Variants in HMGCLL1 observed in about 807,000 individuals in gnomAD.
HMGCLL1 encodes the protein 3-hydroxy-3-methylglutaryl-CoA lyase like 1.
HMGCLL1 carries 36 observed loss-of-function variants against 39.1 expected under a neutral mutation model. The ratio of observed to expected loss-of-function variants is 0.92; its 90% CI spans 0.71 to 1.22. The LOEUF (loss-of-function observed/expected upper bound fraction) is 1.22, where lower values mean the gene tolerates loss of function less well. HMGCLL1 is among the 50% of genes most tolerant of loss of function. The pLI is 0.00. For synonymous variants in HMGCLL1, 149 were observed against 144.0 expected (o/e 1.03, Z -0.25); for missense variants, 451 against 416.5 (o/e 1.08, Z -0.72).
intron 7 of HMGCLL1, among the ~76,000 whole-genome samples, chr6:55,490,829 C>T (rs1581849184): frequency 1.3e-5 from 2 of 151,598 alleles, no homozygotes; most frequent in East Asian, 1.9e-4. Context: ...CAGAGAGATG[C>T]TTATATTAAT....
At position 55,493,660 on chromosome 6, in the gene HMGCLL1, G is replaced by A. The variant is rs1266486858; in HGVS notation, c.795+1759C>T. Reference sequence around the variant, plus strand: ...AGCTTAAAACATTCTTTTCACACACGTGCACACACACACCACAACACATAC... The same window carrying A: ...AGCTTAAAACATTCTTTTCACACACATGCACACACACACCACAACACATAC... On this transcript the variant is annotated intron_variant, in intron 7 of 8. Coordinates refer to ENST00000274901, the MANE Select transcript of HMGCLL1 (RefSeq NM_001042406.2). Among the ~76,000 whole-genome samples, 3 of 151,866 alleles carry A rather than the reference G, an allele frequency of 2.0e-5. 1 individual carries two copies. The highest frequency in any genetic ancestry group is 1.5e-5 in the Non-Finnish European group (1 of 67,936).
At chr6:55,551,930 T>C (rs1770348752) in intron 1 of HMGCLL1, among the ~76,000 whole-genome samples, 1 of 152,022 alleles carries the variant, frequency 6.6e-6, no homozygotes, top group Non-Finnish European at 1.5e-5. Flanking sequence ...AGTGCTATAT[T>C]CATTCACCTA....
At chr6:55,577,455 A>C (rs1771816495) in intron 1 of HMGCLL1, among the ~76,000 whole-genome samples, 1 of 152,188 alleles carries the variant, frequency 6.6e-6, no homozygotes, top group Non-Finnish European at 1.5e-5. Flanking sequence ...TTATATCTTC[A>C]GAATGGGCCA....
At chr6:55,640,512 T>C in the HMGCLL1 span, among the ~76,000 whole-genome samples, 1 of 151,336 alleles carries the variant, frequency 6.6e-6, no homozygotes, top group African/African-American at 2.4e-5. Context: ...AGTTAATTAA[T>C]TTAAATTAAT....
chr6:55,561,855 G>T (rs1420310630), intron 1 of HMGCLL1, among the ~76,000 whole-genome samples: 1 of 151,878 alleles, frequency 6.6e-6, no homozygotes, highest in East Asian at 1.9e-4. Context: ...GAGTGAAAAT[G>T]ATTTATCTTT....
the HMGCLL1 span, among the ~76,000 whole-genome samples, chr6:55,673,751 C>T: frequency 6.6e-6 from 1 of 151,868 alleles, no homozygotes; most frequent in Non-Finnish European, 1.5e-5. Context: ...AGTATTAATA[C>T]TTTTCCTGCT....
the HMGCLL1 span, among the ~76,000 whole-genome samples, chr6:55,672,469 A>G: frequency 6.6e-6 from 1 of 151,834 alleles, no homozygotes; most frequent in Non-Finnish European, 1.5e-5. Context: ...TTCCTAACCT[A>G]TACTATTTTC....
the HMGCLL1 span, among the ~76,000 whole-genome samples, chr6:55,615,324 A>G: frequency 6.6e-6 from 1 of 152,192 alleles, no homozygotes; most frequent in Admixed American, 6.6e-5. Flanking sequence ...TAGAAAGCGT[A>G]CACATGAGGA....
At chr6:55,516,704 C>A in intron 3 of HMGCLL1, 101 bp from the exon 4 acceptor site, 1 of 621,444 alleles carries the variant, frequency 1.6e-6, no homozygotes, top group South Asian at 3.2e-5. Flanking sequence ...CAGTTAGAGT[C>A]TTTAAATTAA....
At chr6:55,630,951 A>T in the HMGCLL1 span, among the ~76,000 whole-genome samples, 5 of 152,078 alleles carry the variant, frequency 3.3e-5, no homozygotes, top group Admixed American at 2.6e-4. Flanking sequence ...TTTATATGTT[A>T]CTACTTTCTT....
chr6:55,496,921 G>A (rs1023408473), intron 6 of HMGCLL1, among the ~76,000 whole-genome samples: 2 of 152,152 alleles, frequency 1.3e-5, no homozygotes, highest in Non-Finnish European at 2.9e-5. Context: ...TGCATGTGGA[G>A]TGTGGTGTCC....
chr6:55,599,241 A>G, the HMGCLL1 span, among the ~76,000 whole-genome samples: 3 of 152,176 alleles, frequency 2.0e-5, no homozygotes, highest in Non-Finnish European at 4.4e-5. Context: ...CTGCACATGT[A>G]TCCCAGAACT....
the HMGCLL1 span, among the ~76,000 whole-genome samples, chr6:55,598,514 C>T: frequency 6.6e-6 from 1 of 152,142 alleles, no homozygotes; most frequent in Admixed American, 6.6e-5. Context: ...ACCACGCTAA[C>T]ATAGCTGAAA....
chr6:55,678,328 T>G, the HMGCLL1 span, among the ~76,000 whole-genome samples: 3 of 152,304 alleles, frequency 2.0e-5, no homozygotes, highest in Admixed American at 6.5e-5. Context: ...GGAAAGATCA[T>G]TAGCACAAAC....
chr6:55,530,740 T>G (rs1188055681), intron 3 of HMGCLL1, among the ~76,000 whole-genome samples: 1 of 152,188 alleles, frequency 6.6e-6, no homozygotes, highest in African/African-American at 2.4e-5. Context: ...TGTTTATCTT[T>G]CTAAGTCTCT....
At chr6:55,624,963 G>C in the HMGCLL1 span, among the ~76,000 whole-genome samples, 4 of 152,104 alleles carry the variant, frequency 2.6e-5, no homozygotes, top group South Asian at 8.3e-4. Flanking sequence ...TTTGCAACAG[G>C]TCCAGGCTGT....
At chr6:55,439,610 T>A (rs747783845) in intron 7 of HMGCLL1, 51 bp from the exon 8 acceptor site, 2 of 1,579,984 alleles carry the variant, frequency 1.3e-6, no homozygotes, top group Non-Finnish European at 1.7e-6. Context: ...GGCATGTAAA[T>A]TGTTGCATTT....
the HMGCLL1 span, among the ~76,000 whole-genome samples, chr6:55,641,135 AT>A: frequency 6.6e-6 from 1 of 151,756 alleles, no homozygotes; most frequent in Non-Finnish European, 1.5e-5. Context: ...AACCAGATAA[AT>A]TTTTGGTAAA....
At chr6:55,477,176 ATT>A (rs1561903993) in intron 7 of HMGCLL1, among the ~76,000 whole-genome samples, 1 of 40,338 alleles carries the variant, frequency 2.5e-5, no homozygotes, top group Non-Finnish European at 3.9e-5. Flanking sequence ...TATAATATAT[ATT>A]ATATTTATAT....
Sources: gnomAD v4.1 joint callset for allele counts (sites outside exome capture counted in the v4.1 genomes callset) on GRCh38, gnomAD v4.1.1 for gene constraint, MANE v1.5 for transcripts, NCBI Gene and HGNC (gene_info 2026-07-23, HGNC 2026-07-21) for gene names.